Variants in VWC2L observed in about 807,000 individuals in gnomAD.
VWC2L encodes the protein von Willebrand factor C domain-containing protein 2-like.
VWC2L carries 10 observed loss-of-function variants against 21.6 expected under a neutral mutation model. That is an observed-to-expected ratio of 0.46 (90% confidence interval 0.29 to 0.78). The LOEUF (loss-of-function observed/expected upper bound fraction) is 0.78, where lower values mean the gene tolerates loss of function less well. VWC2L is among the 30% of genes least tolerant of loss of function. VWC2L has a pLI of 0.10. For missense variants in VWC2L, 209 were observed against 277.1 expected (o/e 0.75, Z 1.74); for synonymous variants, 96 against 94.3 (o/e 1.02, Z -0.10).
chr2:214,478,057 T>A (rs1688550898), intron 3 of VWC2L, among the ~76,000 whole-genome samples: 1 of 152,220 alleles, frequency 6.6e-6, no homozygotes, highest in Non-Finnish European at 1.5e-5. Flanking sequence ...ACTCATTAAT[T>A]AGAATGTCTC....
At chr2:214,572,814 G>T (rs1690172142) in intron 3 of VWC2L, among the ~76,000 whole-genome samples, 1 of 152,142 alleles carries the variant, frequency 6.6e-6, no homozygotes, top group Non-Finnish European at 1.5e-5. Context: ...AAGCTAATGA[G>T]ATCAAACAGG....
intron 2 of VWC2L, among the ~76,000 whole-genome samples, chr2:214,420,743 G>A (rs1702426201): frequency 1.3e-5 from 2 of 152,150 alleles, no homozygotes; most frequent in Admixed American, 6.6e-5. Context: ...GAACTAGAAA[G>A]CATCATGATT....
chr2:214,516,718 G>C (rs1242071674), intron 3 of VWC2L, among the ~76,000 whole-genome samples: 2 of 151,792 alleles, frequency 1.3e-5, no homozygotes, highest in East Asian at 3.9e-4. Context: ...ACTGCAACCA[G>C]AGGGTCTTCT....
chr2:214,544,148 G>C (rs907044556), intron 3 of VWC2L, among the ~76,000 whole-genome samples: 1 of 152,136 alleles, frequency 6.6e-6, no homozygotes, highest in African/African-American at 2.4e-5. Context: ...CTGATTCCAA[G>C]TTATTTGCTC....
At chr2:214,565,006 G>C (rs1480315118) in intron 3 of VWC2L, among the ~76,000 whole-genome samples, 1 of 151,918 alleles carries the variant, frequency 6.6e-6, no homozygotes, top group Non-Finnish European at 1.5e-5. Context: ...GTCTACATTT[G>C]TTTTACTAAA....
At chr2:214,524,936 T>TTC (rs1390210975) in intron 3 of VWC2L, among the ~76,000 whole-genome samples, 1 of 151,052 alleles carries the variant, frequency 6.6e-6, no homozygotes, top group Non-Finnish European at 1.5e-5. Flanking sequence ...GGCTGGCTTT[T>TTC]TTTTTTTTCT....
At chr2:214,474,920 C>A (rs1688488927) in intron 3 of VWC2L, among the ~76,000 whole-genome samples, 1 of 152,042 alleles carries the variant, frequency 6.6e-6, no homozygotes, top group Non-Finnish European at 1.5e-5. Flanking sequence ...CTGTGGTTAT[C>A]CAAAAAGTAA....
At chr2:214,486,590 A>G (rs1559305365) in intron 3 of VWC2L, among the ~76,000 whole-genome samples, 1 of 152,188 alleles carries the variant, frequency 6.6e-6, no homozygotes, top group Admixed American at 6.5e-5. Context: ...GGACAGGGCT[A>G]GGAACCCTAC....
intron 1 of VWC2L, among the ~76,000 whole-genome samples, chr2:214,412,719 T>C (rs1441353117): frequency 6.6e-6 from 1 of 152,088 alleles, no homozygotes; most frequent in Non-Finnish European, 1.5e-5. Flanking sequence ...AAAATGCAAA[T>C]ATAATAGTTT....
intron 2 of VWC2L, chr2:214,436,183 T>A (rs1702676543): frequency 6.2e-6 from 1 of 162,466 alleles, no homozygotes; most frequent in African/African-American, 2.4e-5. Context: ...GGTACAGATG[T>A]CCACTTACCA....
intron 3 of VWC2L, among the ~76,000 whole-genome samples, chr2:214,438,390 CT>C (rs967704592): frequency 4.0e-5 from 6 of 149,250 alleles, no homozygotes; most frequent in East Asian, 3.9e-4. Flanking sequence ...GAAGACTGCA[CT>C]TTTTTTTTTC....
At chr2:214,429,820 T>G (rs887925586) in intron 2 of VWC2L, among the ~76,000 whole-genome samples, 79 of 151,982 alleles carry the variant, frequency 5.2e-4, no homozygotes, top group African/African-American at 1.4e-3. Flanking sequence ...TTTATTTTAT[T>G]TTTTATTATT....
intron 3 of VWC2L, among the ~76,000 whole-genome samples, chr2:214,457,302 G>C (rs1046390860): frequency 3.3e-5 from 5 of 151,982 alleles, no homozygotes; most frequent in Non-Finnish European, 7.4e-5. Flanking sequence ...TTAAAGTCTT[G>C]ATTTCTTTTT....
chr2:214,462,658 T>C (rs1291009454), intron 3 of VWC2L, among the ~76,000 whole-genome samples: 1 of 151,132 alleles, frequency 6.6e-6, no homozygotes. Flanking sequence ...TCCGGTTTAC[T>C]GATGTCTGTA....
intron 3 of VWC2L, among the ~76,000 whole-genome samples, chr2:214,491,945 C>A (rs1249035856): frequency 3.3e-5 from 5 of 152,106 alleles, no homozygotes; most frequent in African/African-American, 1.2e-4. Context: ...TATGGGATAG[C>A]TGAAATTTGC....
intron 3 of VWC2L, among the ~76,000 whole-genome samples, chr2:214,508,120 G>A (rs1688993713): frequency 6.6e-6 from 1 of 151,992 alleles, no homozygotes; most frequent in Admixed American, 6.6e-5. Context: ...GGGACTATAA[G>A]CGCCCACCAC....
In VWC2L at chr2:214,414,401, G is replaced by A; in HGVS notation, c.208G>A (p.Gly70Arg). The change falls in exon 2 of 4, where the codon GGG becomes AGG. Residue 70 changes from glycine to arginine, a missense_variant. By Grantham distance (125) the Gly-to-Arg change is moderately radical. Coordinates refer to ENST00000312504, the MANE Select transcript of VWC2L (RefSeq NM_001080500.4). ...CAAGTTGGGAGAACGATTTTTCCCTGGGCATTCCAACTGTCCATGTGTCTG... is the reference window on the plus strand; with the variant it reads ...CAAGTTGGGAGAACGATTTTTCCCTAGGCATTCCAACTGTCCATGTGTCTG... ...VYKLGERFFP[G>R]HSNCPCVCAL... 2 of 1,613,608 alleles carry A rather than the reference G, an allele frequency of 1.2e-6. No individual in the cohort carries two copies. The highest frequency in any genetic ancestry group is 1.7e-6 in the Non-Finnish European group (2 of 1,179,714).
intron 3 of VWC2L, among the ~76,000 whole-genome samples, chr2:214,448,192 G>C (rs1033987098): frequency 6.6e-6 from 1 of 152,132 alleles, no homozygotes; most frequent in Non-Finnish European, 1.5e-5. Context: ...TGAAAGCAAA[G>C]ATTTCTATCT....
chr2:214,433,881 G>T (rs959373675), intron 2 of VWC2L, among the ~76,000 whole-genome samples: 1 of 152,124 alleles, frequency 6.6e-6, no homozygotes, highest in Admixed American at 6.6e-5. Flanking sequence ...TGAAGTCAAT[G>T]GGTTACATTT....
Sources: allele counts gnomAD v4.1 joint callset (sites outside exome capture counted in the v4.1 genomes callset), GRCh38; gene constraint gnomAD v4.1.1; transcripts MANE v1.5; gene names NCBI Gene and HGNC (gene_info 2026-07-23, HGNC 2026-07-21).